The following GMDS variants were observed in gnomAD, a reference collection of about 807,000 sequenced individuals.
GMDS encodes the protein GDP-mannose 4,6-dehydratase, also known as GDP-mannose 4,6 dehydratase.
In GMDS, 20 loss-of-function variants were observed where a neutral mutation model predicts 49.9. The observed-to-expected ratio is 0.40, with a 90% CI of 0.28 to 0.58. The LOEUF (loss-of-function observed/expected upper bound fraction) is 0.58. Among genes scored for constraint, GMDS ranks in the 20% least tolerant of loss-of-function variants. The probability of loss-of-function intolerance (pLI) is 0.42; values close to 1 mark genes in which losing one functional copy is unlikely to be tolerated. For synonymous variants in GMDS, 177 were observed against 178.6 expected (o/e 0.99, Z 0.07); for missense variants, 362 against 481.4 (o/e 0.75, Z 2.32).
chr6:1,846,391 C>A (rs1219272406), intron 7 of GMDS, among the ~76,000 whole-genome samples: 2 of 152,132 alleles, frequency 1.3e-5, no homozygotes, highest in Non-Finnish European at 2.9e-5. Flanking sequence ...CTGTGTCCAG[C>A]CAGACACCAT....
Position 1,677,098 on chromosome 6 carries a change from C to T in GMDS, c.987+49318G>A, listed in dbSNP as rs542257300. Among the ~76,000 whole-genome samples the T allele has an allele frequency of 7.2e-4, 109 of 152,292 alleles. 1 individual carries two copies. Among genetic ancestry groups the T allele is most frequent in the African/African-American group, 2.5e-3 (105 of 41,564 alleles). ...AAATTTACAAGAAAAAATCAAACAA[C>T]CCTATCAAAAAGTGGGCAAAGGATA... is the stretch of plus-strand genomic sequence containing the variant. On this transcript the variant is annotated intron_variant, in intron 9 of 10. Transcript: ENST00000380815.
intron 1 of GMDS, among the ~76,000 whole-genome samples, chr6:2,237,232 C>T (rs1291793851): frequency 6.6e-6 from 1 of 152,188 alleles, no homozygotes; most frequent in Non-Finnish European, 1.5e-5. Flanking sequence ...TGGGTTACTA[C>T]TTATGGTAAG....
At chr6:1,685,912 T>G (rs1275619816) in intron 9 of GMDS, among the ~76,000 whole-genome samples, 21 of 152,194 alleles carry the variant, frequency 1.4e-4, no homozygotes, top group African/African-American at 4.8e-4. Context: ...TTCCTGAATA[T>G]CCCCTGGTGA....
intron 4 of GMDS, among the ~76,000 whole-genome samples, chr6:2,049,788 T>C (rs1002994449): frequency 6.6e-6 from 1 of 152,100 alleles, no homozygotes; most frequent in Admixed American, 6.5e-5. Flanking sequence ...ACTGGGTACA[T>C]AACGAAATGA....
chr6:1,624,708 G>T (rs527379970), intron 9 of GMDS, 168 bp from the exon 10 acceptor site: 1 of 608,320 alleles, frequency 1.6e-6, no homozygotes, highest in East Asian at 2.8e-5. Flanking sequence ...TCTCGGCGCC[G>T]TAAATCACTA....
intron 7 of GMDS, among the ~76,000 whole-genome samples, chr6:1,853,315 G>A (rs181504528): frequency 1.3e-5 from 2 of 151,348 alleles, no homozygotes; most frequent in African/African-American, 4.9e-5. Flanking sequence ...TCAGGAGATC[G>A]AGACCATCCT....
chr6:2,222,594 T>G (rs749870674), intron 1 of GMDS, among the ~76,000 whole-genome samples: 1 of 152,192 alleles, frequency 6.6e-6, no homozygotes, highest in Non-Finnish European at 1.5e-5. Context: ...TAGACGCAAT[T>G]ACCAGCCAAT....
intron 8 of GMDS, among the ~76,000 whole-genome samples, chr6:1,739,074 G>A (rs1025431426): frequency 6.6e-6 from 1 of 152,236 alleles, no homozygotes; most frequent in Admixed American, 6.5e-5. Context: ...GATAACCTGG[G>A]AAGGAGACGA....
intron 4 of GMDS, among the ~76,000 whole-genome samples, chr6:2,009,770 G>A (rs1389379349): frequency 6.6e-6 from 1 of 152,102 alleles, no homozygotes; most frequent in East Asian, 1.9e-4. Context: ...CAATGTCAAT[G>A]ACAAATAGGA....
intron 7 of GMDS, among the ~76,000 whole-genome samples, chr6:1,926,307 C>T (rs984896207): frequency 7.2e-5 from 11 of 152,162 alleles, no homozygotes; most frequent in African/African-American, 2.4e-4. Flanking sequence ...GTAACACATG[C>T]GCACAGAGGC....
intron 7 of GMDS, among the ~76,000 whole-genome samples, chr6:1,869,923 C>T (rs1758642893): frequency 6.6e-6 from 1 of 152,194 alleles, no homozygotes; most frequent in South Asian, 2.1e-4. Flanking sequence ...AGCCAAACAG[C>T]CCTGCATGCC....
chr6:1,927,494 A>C (rs1762082445), intron 7 of GMDS, among the ~76,000 whole-genome samples: 1 of 152,264 alleles, frequency 6.6e-6, no homozygotes, highest in Non-Finnish European at 1.5e-5. Flanking sequence ...TTGTCAAACA[A>C]TCATAAATGA....
chr6:1,655,626 C>A (rs1170553469), intron 9 of GMDS, among the ~76,000 whole-genome samples: 2 of 152,222 alleles, frequency 1.3e-5, no homozygotes, highest in Non-Finnish European at 2.9e-5. Context: ...GCCTCAGCCT[C>A]CTGAGTAGCT....
intron 9 of GMDS, among the ~76,000 whole-genome samples, chr6:1,708,779 G>A (rs1765836926): frequency 1.3e-5 from 2 of 152,332 alleles, no homozygotes; most frequent in East Asian, 3.9e-4. Context: ...ACAGCAAAAG[G>A]CCAACCGGGG....
intron 4 of GMDS, among the ~76,000 whole-genome samples, chr6:2,086,112 AAC>A (rs1203739970): frequency 6.6e-6 from 1 of 152,142 alleles, no homozygotes; most frequent in Non-Finnish European, 1.5e-5. Context: ...TCCACATGAA[AAC>A]ACACTGTCTC....
chr6:1,724,021 C>T (rs1188344775), intron 9 of GMDS, among the ~76,000 whole-genome samples: 1 of 152,100 alleles, frequency 6.6e-6, no homozygotes, highest in African/African-American at 2.4e-5. Context: ...CAAGTTGATC[C>T]AAGTTTTAGG....
At position 1,834,827 on chromosome 6, in the gene GMDS, C is replaced by T. The variant is rs111425945; in HGVS notation, c.772-92241G>A. Among the ~76,000 whole-genome samples the T allele has an allele frequency of 6.9e-3, 1,045 of 152,202 alleles. 23 individuals are homozygous for T. The highest frequency in any genetic ancestry group is 0.033 in the Admixed American group (501 of 15,282). On this transcript the variant is annotated intron_variant, in intron 7 of 10. Transcript: ENST00000380815. ...CAGGTCCCGGGAACCCTGTTTGTTC[C>T]GTCCCCCTTCCTGCAACCAGGCAAC...
intron 6 of GMDS, among the ~76,000 whole-genome samples, chr6:1,955,230 T>C (rs887308893): frequency 1.3e-5 from 2 of 152,148 alleles, no homozygotes; most frequent in Non-Finnish European, 2.9e-5. Context: ...AAAAGTACAG[T>C]AAAAATGTGA....
chr6:2,008,054 A>AAATTTATATAG (rs1206109679), intron 4 of GMDS, among the ~76,000 whole-genome samples: 2 of 152,332 alleles, frequency 1.3e-5, no homozygotes, highest in East Asian at 3.9e-4. Flanking sequence ...GAACATTTTA[A>AAATTTATATAG]AATTTATCTT....
Sources: allele counts gnomAD v4.1 joint callset (sites outside exome capture counted in the v4.1 genomes callset), GRCh38; gene constraint gnomAD v4.1.1; transcripts MANE v1.5; gene names NCBI Gene and HGNC (gene_info 2026-07-23, HGNC 2026-07-21).